Variants in STX6 observed in about 807,000 individuals in gnomAD.
STX6 encodes the protein syntaxin-6.
Under a neutral mutation model 38.0 loss-of-function variants are expected in STX6, and 23 were observed. That is an observed-to-expected ratio of 0.60 (90% CI 0.43 to 0.86). The LOEUF is 0.86. Ranked by LOEUF, STX6 falls within the 40% of genes least tolerant of loss-of-function variation. STX6 has a pLI of 0.00. For missense variants in STX6, 274 were observed against 312.9 expected (o/e 0.88, Z 0.94); for synonymous variants, 123 against 107.5 (o/e 1.14, Z -0.89).
At chr1:181,000,029 T>C (rs1221570695) in intron 3 of STX6, among the ~76,000 whole-genome samples, 2 of 152,234 alleles carry the variant, frequency 1.3e-5, no homozygotes, top group Non-Finnish European at 2.9e-5. Context: ...TCCTCTTCTA[T>C]AGGACTTTCA....
At chr1:180,982,828 C>A (rs1171271793) in intron 7 of STX6, among the ~76,000 whole-genome samples, 1 of 152,134 alleles carries the variant, frequency 6.6e-6, no homozygotes, top group African/African-American at 2.4e-5. Context: ...CTTTGCAAAC[C>A]TTTCTCTAAA....
At chr1:180,993,558 T>G (rs1051475751) in intron 3 of STX6, 133 bp from the exon 4 acceptor site, 25 of 522,770 alleles carry the variant, frequency 4.8e-5, no homozygotes, top group Non-Finnish European at 7.4e-5. Flanking sequence ...TTGGCTTTAT[T>G]TTCAGTCTCA....
At chr1:180,994,941 C>G (rs957834577) in intron 3 of STX6, among the ~76,000 whole-genome samples, 1 of 112,066 alleles carries the variant, frequency 8.9e-6, no homozygotes, top group Non-Finnish European at 1.9e-5. Flanking sequence ...TATGCACAAC[C>G]ATATGTATCA....
chr1:180,977,419 C>T (rs1193268593), intron 7 of STX6, among the ~76,000 whole-genome samples: 1 of 152,238 alleles, frequency 6.6e-6, no homozygotes, highest in African/African-American at 2.4e-5. Flanking sequence ...CCCAACTCTA[C>T]AACAGCTGCC....
At chr1:180,981,491 C>T (rs1291132036) in intron 7 of STX6, among the ~76,000 whole-genome samples, 1 of 152,098 alleles carries the variant, frequency 6.6e-6, no homozygotes, top group Non-Finnish European at 1.5e-5. Flanking sequence ...CCTATGTTTA[C>T]CCCCTTCCCT....
intron 1 of STX6, among the ~76,000 whole-genome samples, chr1:181,008,737 T>TTG (rs1553266097): frequency 6.6e-6 from 1 of 150,842 alleles, no homozygotes; most frequent in Non-Finnish European, 1.5e-5. Flanking sequence ...GTTTTTTTTT[T>TTG]TTTTTTTTTT....
chr1:180,992,609 T>C (rs951800054), intron 4 of STX6, among the ~76,000 whole-genome samples: 3 of 152,190 alleles, frequency 2.0e-5, no homozygotes, highest in African/African-American at 7.2e-5. Flanking sequence ...TCAAAAAAAT[T>C]ACCTAACAGT....
chr1:180,997,554 T>C (rs950019396), intron 3 of STX6, among the ~76,000 whole-genome samples: 2 of 152,164 alleles, frequency 1.3e-5, no homozygotes, highest in African/African-American at 4.8e-5. Context: ...ACAAAAACAG[T>C]TTAAAAAATT....
At chr1:180,993,338 T>C (rs374475887) in intron 4 of STX6, 25 bp downstream of exon 4, 1 of 1,329,630 alleles carries the variant, frequency 7.5e-7, no homozygotes, top group Middle Eastern at 1.8e-4. Flanking sequence ...CTGTCATTGA[T>C]AATTATATTC....
rs1452506986 is a variant in STX6 at position 181,002,695 on chromosome 1, C to T, written c.211G>A (p.Val71Ile). 1 of 1,611,596 alleles carries T rather than the reference C, an allele frequency of 6.2e-7. No homozygotes were observed. Among genetic ancestry groups the T allele is most frequent in the Non-Finnish European group, 8.5e-7 (1 of 1,178,106 alleles). Residue 71 changes from valine to isoleucine, a missense_variant, in exon 3 of 8, where the codon GTT (valine) becomes ATT (isoleucine). Val to Ile is a conservative substitution (Grantham distance 29). Transcript: ENST00000258301. ...LEDLDETISI[V>I]EANPRKFNLD... ...TTAAATTTTCTAGGATTTGCTTCAA[C>T]TATGCGTAGGTCAAAAAGTCAAGGT...
chr1:180,992,768 A>G (rs1655789723), intron 4 of STX6, among the ~76,000 whole-genome samples: 3 of 152,252 alleles, frequency 2.0e-5, no homozygotes, highest in African/African-American at 2.4e-5. Flanking sequence ...TCAATATGCC[A>G]AAGTATGTAA....
intron 2 of STX6, among the ~76,000 whole-genome samples, chr1:181,004,968 T>G (rs1656184574): frequency 6.8e-6 from 1 of 147,558 alleles, no homozygotes; most frequent in African/African-American, 2.5e-5. Context: ...AAAAAAGGGT[T>G]TTTTTTTTTT....
At chr1:181,013,577 C>T (rs1225113244) in intron 1 of STX6, among the ~76,000 whole-genome samples, 2 of 152,178 alleles carry the variant, frequency 1.3e-5, no homozygotes, top group Non-Finnish European at 2.9e-5. Context: ...CTTGGCCTCC[C>T]CCTTCATCGT....
intron 7 of STX6, among the ~76,000 whole-genome samples, chr1:180,977,414 C>T (rs1471588745): frequency 2.0e-5 from 3 of 152,244 alleles, no homozygotes; most frequent in Admixed American, 6.5e-5. Flanking sequence ...GTGGTCCCAA[C>T]TCTACAACAG....
chr1:180,988,131 A>G (rs990251883), intron 6 of STX6, 108 bp downstream of exon 6: 3 of 722,458 alleles, frequency 4.2e-6, no homozygotes, highest in Non-Finnish European at 7.2e-6. Context: ...TATGAATAAA[A>G]TAGCTTTTGA....
In STX6 at chr1:180,984,079, A is replaced by AC. The variant is rs1214698040; in HGVS notation, c.691+597_691+598insG. On this transcript the variant is annotated intron_variant, in intron 7 of 7. Transcript: ENST00000258301. ...GCTCCATCTCAAAAAAAAAAAAAAA[A>AC]AAAAAAAAAAACACAACGAAAGTGA... 8.7e-5 allele frequency among the ~76,000 whole-genome samples: 13 copies of AC among 148,790 alleles called. 2 individuals carry two copies. Among genetic ancestry groups the AC allele is most frequent in the Non-Finnish European group, 1.5e-5 (1 of 67,138 alleles).
At chr1:180,995,586 T>C (rs1655886038) in intron 3 of STX6, among the ~76,000 whole-genome samples, 4 of 152,266 alleles carry the variant, frequency 2.6e-5, no homozygotes, top group African/African-American at 9.6e-5. Context: ...CTGGGCACTA[T>C]GGCTTGCGCC....
intron 4 of STX6, among the ~76,000 whole-genome samples, chr1:180,990,406 T>C (rs539341668): frequency 5.3e-5 from 8 of 152,204 alleles, no homozygotes; most frequent in Non-Finnish European, 1.2e-4. Flanking sequence ...TGTGTTATAA[T>C]TGAAAAGCAT....
In STX6 at chr1:180,972,833, T is replaced by C. The variant is rs1571318152; in HGVS notation, c.*3737A>G. ...TACTCTGATCGGAGCTACTGAAAGGTACCTGCTTTCAGCAAATTCTGGTTT... is the reference window on the plus strand; with the variant it reads ...TACTCTGATCGGAGCTACTGAAAGGCACCTGCTTTCAGCAAATTCTGGTTT... On this transcript the variant is annotated 3_prime_UTR_variant, in exon 8 of 8. Transcript: ENST00000258301. The C allele has an allele frequency of 4.5e-6, 1 of 220,142 alleles. No individual in the cohort carries two copies. Among genetic ancestry groups the C allele is most frequent in the Non-Finnish European group, 9.4e-6 (1 of 106,344 alleles). 13.6% of individuals were successfully genotyped at this position (220,142 alleles called of 1,614,324 possible).
Sources: allele counts gnomAD v4.1 joint callset (sites outside exome capture counted in the v4.1 genomes callset), GRCh38; gene constraint gnomAD v4.1.1; transcripts MANE v1.5; gene names NCBI Gene and HGNC (gene_info 2026-07-23, HGNC 2026-07-21).